Variants in CDH18 observed in about 807,000 individuals in gnomAD.
CDH18 encodes cadherin 18, also known as cadherin-18.
Under a neutral mutation model 67.9 loss-of-function variants are expected in CDH18, and 31 were observed. That is an observed-to-expected ratio of 0.46 (90% CI 0.34 to 0.62). CDH18 has a LOEUF of 0.62. Among genes scored for constraint, CDH18 ranks in the 20% least tolerant of loss-of-function variants. The probability of loss-of-function intolerance (pLI) is 0.01; values close to 1 mark genes in which losing one functional copy is unlikely to be tolerated. For synonymous variants in CDH18, 362 were observed against 347.2 expected (o/e 1.04, Z -0.48); for missense variants, 890 against 975.5 (o/e 0.91, Z 1.17).
intron 1 of CDH18, among the ~76,000 whole-genome samples, chr5:20,521,610 C>T (rs1408414728): frequency 6.6e-6 from 1 of 151,818 alleles, no homozygotes; most frequent in Admixed American, 6.6e-5. Context: ...ATACATGGGG[C>T]AGTAGTTGAA....
At chr5:19,894,960 T>G (rs908262013) in intron 2 of CDH18, among the ~76,000 whole-genome samples, 1 of 152,168 alleles carries the variant, frequency 6.6e-6, no homozygotes, top group African/African-American at 2.4e-5. Flanking sequence ...TTGCTGAAGA[T>G]TTGCTCCTGT....
chr5:19,615,128 A>G (rs1335457129), intron 5 of CDH18, among the ~76,000 whole-genome samples: 1 of 86,230 alleles, frequency 1.2e-5, no homozygotes, highest in Non-Finnish European at 3.1e-5. Flanking sequence ...GCCCGGTGAC[A>G]GAGGGAGACT....
At chr5:20,293,760 T>C (rs1747277038) in intron 1 of CDH18, among the ~76,000 whole-genome samples, 1 of 152,190 alleles carries the variant, frequency 6.6e-6, no homozygotes, top group Admixed American at 6.5e-5. Context: ...TTAATTTAGA[T>C]AATTCACTTC....
chr5:19,600,170 G>A (rs1322779970), intron 6 of CDH18, among the ~76,000 whole-genome samples: 2 of 139,654 alleles, frequency 1.4e-5, no homozygotes, highest in African/African-American at 5.2e-5. Flanking sequence ...TTGGACACAG[G>A]AAGGGAAACA....
chr5:20,490,755 C>T (rs138426925), intron 1 of CDH18, among the ~76,000 whole-genome samples: 3 of 152,194 alleles, frequency 2.0e-5, no homozygotes, highest in East Asian at 1.9e-4. Context: ...CTTTATGATG[C>T]AATTTTCCAT....
chr5:20,185,859 T>G (rs1738056556), intron 2 of CDH18, among the ~76,000 whole-genome samples: 1 of 100,574 alleles, frequency 9.9e-6, no homozygotes, highest in African/African-American at 4.5e-5. Context: ...AGTACTAAAT[T>G]TATCTATTTT....
chr5:20,315,793 A>G (rs550676141), intron 1 of CDH18, among the ~76,000 whole-genome samples: 1 of 152,236 alleles, frequency 6.6e-6, no homozygotes, highest in Admixed American at 6.5e-5. Context: ...TCATAGCTCC[A>G]TCTTATGTGG....
At chr5:20,296,163 C>A (rs1403617572) in intron 1 of CDH18, among the ~76,000 whole-genome samples, 1 of 151,546 alleles carries the variant, frequency 6.6e-6, no homozygotes, top group East Asian at 2.0e-4. Context: ...TGTCAGCCAT[C>A]GCGCCTGGCC....
chr5:19,842,252 T>A (rs1782407595), intron 2 of CDH18, among the ~76,000 whole-genome samples: 2 of 152,166 alleles, frequency 1.3e-5, no homozygotes, highest in Admixed American at 1.3e-4. Flanking sequence ...ACCAATATGG[T>A]CTGGCTCTGT....
intron 2 of CDH18, among the ~76,000 whole-genome samples, chr5:19,883,209 T>C (rs998930192): frequency 2.6e-5 from 4 of 152,212 alleles, no homozygotes; most frequent in African/African-American, 9.6e-5. Flanking sequence ...ATGATTCTTA[T>C]GACACTTTGG....
chr5:19,524,354 T>A (rs974403049), intron 9 of CDH18, among the ~76,000 whole-genome samples: 1 of 150,044 alleles, frequency 6.7e-6, no homozygotes. Context: ...TTAAATTAAA[T>A]TACTTGCTTT....
chr5:19,591,421 A>G (rs376674977), intron 6 of CDH18, among the ~76,000 whole-genome samples, 177 bp from the exon 7 acceptor site: 1 of 152,270 alleles, frequency 6.6e-6, no homozygotes, highest in Non-Finnish European at 1.5e-5. Flanking sequence ...AGATTTATAT[A>G]AACTTTAAAA....
intron 5 of CDH18, among the ~76,000 whole-genome samples, chr5:19,651,991 G>T (rs1032220002): frequency 1.7e-4 from 26 of 151,810 alleles, no homozygotes; most frequent in African/African-American, 5.3e-4. Context: ...ACATATCCAG[G>T]CTTAAGTAAA....
intron 11 of CDH18, among the ~76,000 whole-genome samples, chr5:19,491,515 C>T (rs1022894018): frequency 6.6e-6 from 1 of 152,098 alleles, no homozygotes; most frequent in Admixed American, 6.6e-5. Context: ...TTTAAAAATT[C>T]CCTTGATTTC....
intron 1 of CDH18, among the ~76,000 whole-genome samples, chr5:20,505,122 A>T (rs577503076): frequency 6.6e-6 from 1 of 152,042 alleles, no homozygotes; most frequent in African/African-American, 2.4e-5. Context: ...AATCTATTAT[A>T]TGGGGGAAAT....
intron 2 of CDH18, among the ~76,000 whole-genome samples, chr5:20,139,475 G>C (rs1247887553): frequency 1.3e-5 from 2 of 152,088 alleles, no homozygotes; most frequent in African/African-American, 4.8e-5. Context: ...TGGGATCTAA[G>C]TAAACTAAAG....
At chr5:19,485,235 A>C in intron 11 of CDH18, among the ~76,000 whole-genome samples, 1 of 151,920 alleles carries the variant, frequency 6.6e-6, no homozygotes, top group Non-Finnish European at 1.5e-5. Flanking sequence ...AAGAATTTTT[A>C]AAAACTACAT....
chr5:20,559,509 GTAC>G (rs1315898947), intron 1 of CDH18, among the ~76,000 whole-genome samples: 1 of 152,036 alleles, frequency 6.6e-6, no homozygotes, highest in Non-Finnish European at 1.5e-5. Flanking sequence ...AGTTCCAAAA[GTAC>G]TCAATTTTCA....
intron 7 of CDH18, among the ~76,000 whole-genome samples, chr5:19,577,150 G>A (rs1742450135): frequency 6.6e-6 from 1 of 152,138 alleles, no homozygotes; most frequent in South Asian, 2.1e-4. Flanking sequence ...AGTTAGGTAG[G>A]AGGAATCAGT....
Sources: allele counts gnomAD v4.1 joint callset (sites outside exome capture counted in the v4.1 genomes callset), GRCh38; gene constraint gnomAD v4.1.1; transcripts MANE v1.5; gene names NCBI Gene and HGNC (gene_info 2026-07-23, HGNC 2026-07-21).